ROBO2: variants seen among roughly 807,000 people sequenced by gnomAD.
ROBO2 encodes roundabout homolog 2.
A neutral mutation model predicts 160.8 loss-of-function variants in ROBO2; 53 were observed. The ratio of observed to expected loss-of-function variants is 0.33; its 90% confidence interval spans 0.26 to 0.41. The LOEUF (loss-of-function observed/expected upper bound fraction) is 0.41. Among genes scored for constraint, ROBO2 ranks in the 10% least tolerant of loss-of-function variants. The probability of loss-of-function intolerance (pLI) is 1.00; values close to 1 mark genes in which losing one functional copy is unlikely to be tolerated. For missense variants in ROBO2, 1,577 were observed against 1,722.4 expected (o/e 0.92, Z 1.49); for synonymous variants, 664 against 611.7 (o/e 1.09, Z -1.26).
chr3:77,045,712 A>G (rs973674205), intron 1 of ROBO2, among the ~76,000 whole-genome samples: 3 of 152,176 alleles, frequency 2.0e-5, no homozygotes, highest in African/African-American at 4.8e-5. Flanking sequence ...AACCATCACT[A>G]CAATCTAACT....
In ROBO2 at chr3:76,489,084, C is replaced by CAAAAA. The variant is rs67454494; in HGVS notation, c.109+551509_109+551513dup. Among the ~76,000 whole-genome samples the CAAAAA allele has an allele frequency of 7.1e-4, 43 of 60,142 alleles. 2 individuals carry two copies. Among genetic ancestry groups the CAAAAA allele is most frequent in the African/African-American group, 1.1e-3 (21 of 18,654 alleles). 39.5% of individuals were successfully genotyped at this position (60,142 alleles called of 152,430 possible). A position where few individuals can be genotyped will look rare whatever the true frequency, so the allele number is the denominator to read the frequency against. On this transcript the variant is annotated intron_variant, in intron 2 of 26. Coordinates refer to the ROBO2 transcript ENST00000487694. Reference sequence around the variant, plus strand: ...TGGGTGACAGAGTGAGACTCTGTCTCAAAAAAAAAAAAAAAAAAAAAAAAA... The same window carrying CAAAAA: ...TGGGTGACAGAGTGAGACTCTGTCTCAAAAAAAAAAAAAAAAAAAAAAAAAAAAAA...
intron 2 of ROBO2, among the ~76,000 whole-genome samples, chr3:76,194,960 G>A (rs773935960): frequency 2.6e-5 from 4 of 152,126 alleles, no homozygotes; most frequent in African/African-American, 4.8e-5. Context: ...CAACATGCTA[G>A]CTGACATAAA....
chr3:76,802,609 T>C (rs1386310385), intron 2 of ROBO2, among the ~76,000 whole-genome samples: 1 of 151,524 alleles, frequency 6.6e-6, no homozygotes, highest in African/African-American at 2.4e-5. Flanking sequence ...GCACCTGTAG[T>C]CCCAGCTACT....
intron 2 of ROBO2, among the ~76,000 whole-genome samples, chr3:76,757,036 T>G (rs2108315190): frequency 6.6e-6 from 1 of 152,006 alleles, no homozygotes; most frequent in Non-Finnish European, 1.5e-5. Flanking sequence ...AACTTTTGGT[T>G]GCAATTCTTT....
At chr3:76,610,996 T>G (rs575630548) in intron 2 of ROBO2, among the ~76,000 whole-genome samples, 1 of 151,816 alleles carries the variant, frequency 6.6e-6, no homozygotes, top group South Asian at 2.1e-4. Flanking sequence ...GACCCGAGAG[T>G]GGGTAGCCCT....
intron 8 of ROBO2, among the ~76,000 whole-genome samples, chr3:77,552,744 G>T (rs2092964039): frequency 1.3e-5 from 2 of 152,076 alleles, no homozygotes; most frequent in Admixed American, 6.6e-5. Context: ...TGACAGTAAA[G>T]AAATGAAACT....
chr3:76,674,720 G>C (rs2092363264), intron 2 of ROBO2, among the ~76,000 whole-genome samples: 1 of 152,074 alleles, frequency 6.6e-6, no homozygotes, highest in South Asian at 2.1e-4. Flanking sequence ...TGAATTGGTG[G>C]CACTGGGGTG....
chr3:76,087,797 C>G (rs2069073346), intron 2 of ROBO2, among the ~76,000 whole-genome samples: 1 of 151,968 alleles, frequency 6.6e-6, no homozygotes, highest in Admixed American at 6.6e-5. Flanking sequence ...AAAGTTCACA[C>G]ACTACCCATG....
chr3:77,168,345 T>A (rs2079296827), intron 2 of ROBO2, among the ~76,000 whole-genome samples: 1 of 152,210 alleles, frequency 6.6e-6, no homozygotes, highest in African/African-American at 2.4e-5. Flanking sequence ...TAAAAATGAA[T>A]GTCACTGTGA....
chr3:76,870,548 C>T (rs192164383), intron 2 of ROBO2, among the ~76,000 whole-genome samples: 11 of 152,300 alleles, frequency 7.2e-5, no homozygotes, highest in Admixed American at 3.9e-4. Flanking sequence ...GAGGATCTCT[C>T]TGCTAAACTA....
chr3:76,791,050 T>C (rs2063321672), intron 2 of ROBO2, among the ~76,000 whole-genome samples: 1 of 151,844 alleles, frequency 6.6e-6, no homozygotes, highest in South Asian at 2.1e-4. Flanking sequence ...GCCATCATCA[T>C]AGTCTTCAAT....
intron 12 of ROBO2, among the ~76,000 whole-genome samples, 169 bp from the exon 14 acceptor site, chr3:77,568,144 C>T (rs2093540002): frequency 6.6e-6 from 1 of 151,888 alleles, no homozygotes; most frequent in East Asian, 1.9e-4. Flanking sequence ...TATGTCCTAC[C>T]ACAGTGGTAT....
At chr3:76,459,160 CTTCTT>C (rs1191839128) in intron 2 of ROBO2, among the ~76,000 whole-genome samples, 1 of 152,166 alleles carries the variant, frequency 6.6e-6, no homozygotes, top group Non-Finnish European at 1.5e-5. Flanking sequence ...ATTTGGGACT[CTTCTT>C]TTCAGACATA....
At chr3:77,374,216 A>G (rs1012769172) in intron 2 of ROBO2, among the ~76,000 whole-genome samples, 3 of 151,012 alleles carry the variant, frequency 2.0e-5, no homozygotes, top group African/African-American at 4.9e-5. Flanking sequence ...TGGACTAAAG[A>G]AAAAAACAAA....
intron 2 of ROBO2, among the ~76,000 whole-genome samples, chr3:76,276,357 A>C (rs1707920550): frequency 6.6e-6 from 1 of 152,072 alleles, no homozygotes; most frequent in Non-Finnish European, 1.5e-5. Context: ...ATGAAAATTG[A>C]GAATTCATTG....
chr3:77,617,631 G>C, exon 22 of ROBO2: 1 of 1,614,118 alleles, frequency 6.2e-7, no homozygotes, highest in Non-Finnish European at 8.5e-7. Context: ...TCGAGGCGTG[G>C]CTTCTTCTCC....
chr3:76,867,859 T>C (rs1312479666), intron 2 of ROBO2, among the ~76,000 whole-genome samples: 2 of 152,186 alleles, frequency 1.3e-5, no homozygotes, highest in Non-Finnish European at 2.9e-5. Flanking sequence ...GTTTTCGATG[T>C]GGCAGCAGGG....
chr3:76,396,603 C>A (rs1335079699), intron 2 of ROBO2, among the ~76,000 whole-genome samples: 1 of 152,118 alleles, frequency 6.6e-6, no homozygotes, highest in Non-Finnish European at 1.5e-5. Flanking sequence ...TCTCCTTAAG[C>A]TGATAAGCAA....
intron 1 of ROBO2, among the ~76,000 whole-genome samples, chr3:75,928,863 TGTG>T (rs1947400064): frequency 7.1e-5 from 1 of 14,116 alleles, no homozygotes; most frequent in East Asian, 1.0e-3. Context: ...GGATAAGACG[TGTG>T]TGTGTGTGTG....
Sources: gnomAD v4.1 joint callset for allele counts (sites outside exome capture counted in the v4.1 genomes callset) on GRCh38, gnomAD v4.1.1 for gene constraint, MANE v1.5 for transcripts, NCBI Gene and HGNC (gene_info 2026-07-23, HGNC 2026-07-21) for gene names.